The following USP35 variants were observed in gnomAD, a reference collection of about 807,000 sequenced individuals.
The protein encoded by USP35 is ubiquitin specific peptidase 35, also known as ubiquitin carboxyl-terminal hydrolase 35.
Under a neutral mutation model 83.8 loss-of-function variants are expected in USP35, and 69 were observed. The ratio of observed to expected loss-of-function variants is 0.82; its 90% CI spans 0.68 to 1.01. The LOEUF (loss-of-function observed/expected upper bound fraction) is 1.01. Among genes scored for constraint, USP35 ranks in the 50% least tolerant of loss-of-function variants. The probability of loss-of-function intolerance (pLI) is 0.00; values close to 1 mark genes in which losing one functional copy is unlikely to be tolerated. For synonymous variants in USP35, 714 were observed against 589.5 expected (o/e 1.21, Z -3.06); for missense variants, 1,503 against 1,362.5 (o/e 1.10, Z -1.62).
intron 6 of USP35, among the ~76,000 whole-genome samples, chr11:78,203,896 T>C (rs1040814219): frequency 1.4e-5 from 2 of 143,144 alleles, no homozygotes; most frequent in African/African-American, 5.3e-5. Flanking sequence ...TCTTTTCTTT[T>C]TTTTTTTTTT....
chr11:78,212,130 G>A (rs1463676524), intron 10 of USP35, among the ~76,000 whole-genome samples: 1 of 152,182 alleles, frequency 6.6e-6, no homozygotes, highest in Non-Finnish European at 1.5e-5. Context: ...GGTATAAGGA[G>A]GGGGTCGAAT....
At chr11:78,200,593 C>T in intron 5 of USP35, 57 bp from the exon 6 acceptor site, 2 of 1,552,142 alleles carry the variant, frequency 1.3e-6, no homozygotes, top group Non-Finnish European at 1.7e-6. Flanking sequence ...GGGACCACAG[C>T]CCCGTGTCTC....
At chr11:78,203,458 C>G (rs1358518527) in intron 6 of USP35, among the ~76,000 whole-genome samples, 1 of 152,166 alleles carries the variant, frequency 6.6e-6, no homozygotes, top group Non-Finnish European at 1.5e-5. Context: ...TACTTGACGT[C>G]AGAGAGGGGA....
chr11:78,213,301 G>T (rs1245712238), intron 10 of USP35, among the ~76,000 whole-genome samples: 2 of 152,116 alleles, frequency 1.3e-5, no homozygotes, highest in Non-Finnish European at 2.9e-5. Context: ...CATAGGCAGA[G>T]CCCATTCCTC....
the USP35 span, chr11:78,226,363 G>A: frequency 3.6e-5 from 34 of 933,072 alleles, no homozygotes; most frequent in East Asian, 4.8e-4. Context: ...TAGGTGGTTC[G>A]TAAGTTCCCC....
the USP35 span, among the ~76,000 whole-genome samples, chr11:78,232,751 AAG>A: frequency 1.9e-4 from 29 of 152,344 alleles, no homozygotes; most frequent in East Asian, 5.2e-3. Context: ...TAAATGAAAA[AAG>A]AGATAGATAG....
rs757157402 is a variant in USP35 at position 78,209,625 on chromosome 11, G to A, written c.1770G>A (p.Glu590=). The part of the protein sequence containing the change: ...CLCCLNVSSR[E]EAFTDLSLAF... ...GCTGCCTCAACGTCTCCTCCCGGGA[G>A]GAGGCCTTCACGGACCTCTCTCTCG... is the stretch of plus-strand genomic sequence containing the variant. Residue 590 remains glutamate, a synonymous_variant, in exon 10 of 11, where the codon GAG becomes GAA. Coordinates refer to ENST00000529308, the MANE Select transcript of USP35 (RefSeq NM_020798.4). 6.2e-7 allele frequency: 1 copy of A among 1,614,128 alleles called. No homozygotes were observed. Among genetic ancestry groups the A allele is most frequent in the Non-Finnish European group, 8.5e-7 (1 of 1,180,012 alleles).
the USP35 span, chr11:78,225,096 A>AC: frequency 1.9e-6 from 3 of 1,587,070 alleles, no homozygotes; most frequent in East Asian, 2.2e-5. Flanking sequence ...CCTTGGGTTA[A>AC]CCCACACTCA....
chr11:78,199,463 G>A (rs1863267760), intron 3 of USP35, 132 bp from the exon 4 acceptor site: 1 of 1,382,808 alleles, frequency 7.2e-7, no homozygotes, highest in South Asian at 1.3e-5. Context: ...TCAGCCCACA[G>A]ACCCCGGGGC....
rs1310239165 is a variant in USP35, at chr11:78,207,627, A to G, written c.1485+4A>G. The G allele has an allele frequency of 4.3e-6, 7 of 1,613,644 alleles. No individual in the cohort carries two copies. The highest frequency in any genetic ancestry group is 5.9e-6 in the Non-Finnish European group (7 of 1,179,908). Reference sequence around the variant, plus strand: ...TGGCTTCCTAGAACACAGCCAGGTGAGTGTAGGGGCAGTCAGAGGGGGGTG... The same window carrying G: ...TGGCTTCCTAGAACACAGCCAGGTGGGTGTAGGGGCAGTCAGAGGGGGGTG... On this transcript the variant is annotated splice_donor_region_variant and intron_variant, in intron 8 of 10. Coordinates refer to ENST00000529308, the MANE Select transcript of USP35 (RefSeq NM_020798.4).
At position 78,213,633 on chromosome 11, in the gene USP35, T is replaced by C. The variant is rs1189257793; in HGVS notation, c.2890-13T>C. On this transcript the variant is annotated splice_polypyrimidine_tract_variant and intron_variant, in intron 10 of 10. Transcript: ENST00000529308. ...AATTCTAAGTCTAAGTCTCCTCTCATCTGTGTTCCCAGGAGCAGGAGAAGG... is the reference window on the plus strand; with the variant it reads ...AATTCTAAGTCTAAGTCTCCTCTCACCTGTGTTCCCAGGAGCAGGAGAAGG... 6.8e-7 allele frequency: 1 copy of C among 1,474,356 alleles called. No homozygotes were observed. The highest frequency in any genetic ancestry group is 8.9e-7 in the Non-Finnish European group (1 of 1,117,998). 91.3% of individuals were successfully genotyped at this position (1,474,356 alleles called of 1,614,324 possible). A position where few individuals can be genotyped will look rare whatever the true frequency, so the allele number is the denominator to read the frequency against.
At position 78,213,664 on chromosome 11, in the gene USP35, C is replaced by CGGAGCAGG; in HGVS notation, c.2910_2917dup (p.Ala973GlyfsTer57). 6.7e-7 allele frequency: 1 copy of CGGAGCAGG among 1,496,290 alleles called. No individual in the cohort carries two copies. Among genetic ancestry groups the CGGAGCAGG allele is most frequent in the South Asian group, 1.4e-5 (1 of 72,804 alleles). The allele number at this position is 1,496,290 out of a possible 1,614,324, so 92.7% of individuals were successfully genotyped here. On this transcript the variant is annotated frameshift_variant, in exon 11 of 11. Transcript: ENST00000529308. LOFTEE classifies it high-confidence loss of function. ...TTCCCAGGAGCAGGAGAAGGAGGCC[C>CGGAGCAGG]GGAGCAGGGCGGCCTACATCTCTGC... is the stretch of plus-strand genomic sequence containing the variant.
Position 78,199,631 on chromosome 11 carries a change from T to C in USP35, c.843T>C (p.Asn281=), listed in dbSNP as rs1863274186. 1 of 1,614,158 alleles carries C rather than the reference T, an allele frequency of 6.2e-7. No individual in the cohort carries two copies. The highest frequency in any genetic ancestry group is 8.5e-7 in the Non-Finnish European group (1 of 1,180,024). ...GGGTGTCCTGGCCCCTGGGGAAGAA[T>C]ATTGACAAGTGGATCATTGCACTGC... ...IDWVSWPLGK[N]IDKWIIALLK... The change falls in exon 4 of 11, where the codon AAT becomes AAC. Residue 281 remains asparagine (N), a synonymous_variant. Transcript: ENST00000529308.
chr11:78,228,467 G>C, the USP35 span, among the ~76,000 whole-genome samples: 1 of 152,178 alleles, frequency 6.6e-6, no homozygotes, highest in Non-Finnish European at 1.5e-5. Flanking sequence ...ACTTGTTGGG[G>C]CTGTAATACA....
In USP35 at chr11:78,205,898, G is replaced by A. The variant is rs762532075; in HGVS notation, c.1254G>A (p.Trp418Ter). The change falls in exon 7 of 11, where the codon TGG (tryptophan) becomes TGA (stop). Residue 418 changes from tryptophan (W) to a stop codon, truncating the protein, a stop_gained. Transcript: ENST00000529308. LOFTEE classifies it high-confidence loss of function. ...AGCAGCTGCTGGGGCAGGATGCCTG[G>A]ACTTCGCAGAAGAGCGAGCTGGCGG... is the stretch of plus-strand genomic sequence containing the variant. ...RIKQLLGQDA[W>*]TSQKSELAGF... is the part of the protein sequence containing the mutation. 1 of 1,614,258 alleles carries A rather than the reference G, an allele frequency of 6.2e-7. No homozygotes were observed.
Position 78,200,121 on chromosome 11 carries a change from A to G in USP35, c.937-12A>G. ...CAAGCCTGGGGACTCCTGACCAGGG[A>G]CTCTCTTGTAGGTTTTCTCTAAGCT... On this transcript the variant is annotated splice_polypyrimidine_tract_variant and intron_variant, in intron 4 of 10. Transcript: ENST00000529308. 6.2e-7 allele frequency: 1 copy of G among 1,613,456 alleles called. No individual in the cohort carries two copies. The highest frequency in any genetic ancestry group is 8.5e-7 in the Non-Finnish European group (1 of 1,179,814).
intron 9 of USP35, 111 bp from the exon 10 acceptor site, chr11:78,209,337 G>T (rs1863643331): frequency 1.7e-6 from 2 of 1,180,380 alleles, no homozygotes; most frequent in Non-Finnish European, 2.4e-6. Context: ...ATGTGTGTTT[G>T]TGTGCGTCTC....
intron 1 of USP35, among the ~76,000 whole-genome samples, chr11:78,191,481 T>A (rs951502260): frequency 1.3e-5 from 2 of 152,194 alleles, no homozygotes; most frequent in African/African-American, 4.8e-5. Context: ...ACCTTCTATT[T>A]GGGCATTCCG....
Position 78,210,425 on chromosome 11 carries a change from CTT to C in USP35, c.2571_2572del (p.Ser858GlyfsTer11), listed in dbSNP as rs1234359857. On this transcript the variant is annotated frameshift_variant, in exon 10 of 11. Coordinates refer to ENST00000529308, the MANE Select transcript of USP35 (RefSeq NM_020798.4). LOFTEE classifies it high-confidence loss of function. ...AGTGTGGTGGTGCACTCTGGAGTGT[CTT>C]CGGAGAGTGGTCACTACTACTGCTA... 1 of 1,614,030 alleles carries C rather than the reference CTT, an allele frequency of 6.2e-7. No homozygotes were observed. Among genetic ancestry groups the C allele is most frequent in the Non-Finnish European group, 8.5e-7 (1 of 1,180,048 alleles).
Sources: allele counts gnomAD v4.1 joint callset (sites outside exome capture counted in the v4.1 genomes callset), GRCh38; gene constraint gnomAD v4.1.1; transcripts MANE v1.5; gene names NCBI Gene and HGNC (gene_info 2026-07-23, HGNC 2026-07-21).